The following ALK variants were observed in gnomAD, a reference collection of about 807,000 sequenced individuals.
ALK encodes the protein ALK receptor tyrosine kinase.
Under a neutral mutation model 163.1 loss-of-function variants are expected in ALK, and 74 were observed. The observed-to-expected ratio is 0.45, with a 90% CI of 0.38 to 0.55. The LOEUF is 0.55. Ranked by LOEUF, ALK falls within the 20% of genes least tolerant of loss-of-function variation. The pLI, the probability that ALK is intolerant of heterozygous loss-of-function variation, is 0.00. For missense variants in ALK, 2,063 were observed against 2,105.3 expected (o/e 0.98, Z 0.39); for synonymous variants, 960 against 843.2 (o/e 1.14, Z -2.40).
chr2:29,217,015 AGT>A (rs60371241), intron 23 of ALK, among the ~76,000 whole-genome samples: 3,460 of 110,218 alleles, frequency 0.031, 138 homozygotes, highest in African/African-American at 0.12. Flanking sequence ...TGTGTGCGTG[AGT>A]GTATGTGGTA....
intron 5 of ALK, among the ~76,000 whole-genome samples, chr2:29,375,205 C>T (rs1203349208): frequency 6.6e-6 from 1 of 152,214 alleles, no homozygotes; most frequent in Admixed American, 6.5e-5. Context: ...TTAAGTAGCT[C>T]ATGGCATCAT....
At chr2:29,617,103 A>C (rs995437144) in intron 3 of ALK, among the ~76,000 whole-genome samples, 1 of 152,214 alleles carries the variant, frequency 6.6e-6, no homozygotes, top group African/African-American at 2.4e-5. Context: ...CCTTAGGTCC[A>C]TGCTGGAAAC....
At chr2:29,857,910 G>C (rs1047364854) in intron 1 of ALK, among the ~76,000 whole-genome samples, 2 of 152,208 alleles carry the variant, frequency 1.3e-5, no homozygotes. Flanking sequence ...GAGTGATCCT[G>C]TGGTGTCCGT....
intron 9 of ALK, among the ~76,000 whole-genome samples, chr2:29,292,201 G>A (rs1666046800): frequency 6.6e-6 from 1 of 152,234 alleles, no homozygotes; most frequent in African/African-American, 2.4e-5. Context: ...GCCTGCACAG[G>A]TGTGATAAGT....
At chr2:29,533,189 T>C (rs1673164684) in intron 3 of ALK, among the ~76,000 whole-genome samples, 1 of 152,190 alleles carries the variant, frequency 6.6e-6, no homozygotes, top group African/African-American at 2.4e-5. Context: ...ATCGAGAACG[T>C]GAACCCTCTG....
chr2:29,902,158 C>G (rs937933919), intron 1 of ALK, among the ~76,000 whole-genome samples: 3 of 152,200 alleles, frequency 2.0e-5, no homozygotes, highest in Admixed American at 2.0e-4. Flanking sequence ...TAGCAGGACA[C>G]AGCTGCTTGG....
intron 1 of ALK, among the ~76,000 whole-genome samples, chr2:29,724,010 A>C (rs1318842935): frequency 6.6e-6 from 1 of 152,208 alleles, no homozygotes; most frequent in Non-Finnish European, 1.5e-5. Context: ...TTATTTTTAC[A>C]TGTCTCACTG....
At chr2:29,578,104 T>C (rs572816598) in intron 3 of ALK, among the ~76,000 whole-genome samples, 26 of 152,166 alleles carry the variant, frequency 1.7e-4, no homozygotes, top group Non-Finnish European at 3.2e-4. Context: ...CAGTGGGAGA[T>C]AACTGAATCA....
Position 29,592,320 on chromosome 2 carries a change from C to T in ALK, c.953-60204G>A, listed in dbSNP as rs537156406. ...ACTCCGAGGAGCTGGTCACAAAGCC[C>T]TGTGTGCTCTGGGGTCCAGCTCTCT... On this transcript the variant is annotated intron_variant, in intron 3 of 28. Transcript: ENST00000389048. 2.6e-5 allele frequency among the ~76,000 whole-genome samples: 4 copies of T among 152,306 alleles called. No homozygotes were observed. The South Asian group carries it at 8.3e-4, about 32-fold the overall frequency.
chr2:29,383,042 G>C (rs1157207906), intron 5 of ALK, among the ~76,000 whole-genome samples: 3 of 152,012 alleles, frequency 2.0e-5, no homozygotes, highest in Non-Finnish European at 4.4e-5. Flanking sequence ...GTGGGACATG[G>C]GCCTTCAAAG....
chr2:29,277,538 T>C (rs1412848573), intron 9 of ALK, among the ~76,000 whole-genome samples: 1 of 152,252 alleles, frequency 6.6e-6, no homozygotes, highest in Non-Finnish European at 1.5e-5. Context: ...AAAGTCACAA[T>C]TACAGGACCC....
At chr2:29,220,922 A>G in intron 22 of ALK, 87 bp from the exon 23 acceptor site, 1 of 1,573,622 alleles carries the variant, frequency 6.4e-7, no homozygotes, top group East Asian at 2.2e-5. Flanking sequence ...ACAAAGTTAC[A>G]TTTTCAGCAG....
Position 29,300,781 on chromosome 2 carries a change from A to G in ALK, c.1648-3724T>C, listed in dbSNP as rs557491194. Among the ~76,000 whole-genome samples, 25 of 152,268 alleles carry G rather than the reference A, an allele frequency of 1.6e-4. No individual in the cohort carries two copies. In the East Asian group the frequency reaches 4.1e-3, roughly 25 times the overall value. On this transcript the variant is annotated intron_variant, in intron 8 of 28. Coordinates refer to ENST00000389048, the MANE Select transcript of ALK (RefSeq NM_004304.5). ...CTCCCCTGAAATCCTTTCTGTGTCT[A>G]TGCTTACAACCCCAACAAGTCAGAA...
intron 25 of ALK, 37 bp downstream of exon 25, chr2:29,209,749 G>A (rs1482993693): frequency 6.6e-7 from 1 of 1,510,122 alleles, no homozygotes; most frequent in Non-Finnish European, 9.2e-7. Context: ...TGAGGTGGAA[G>A]AGACAGGCCC....
intron 1 of ALK, among the ~76,000 whole-genome samples, chr2:29,719,606 C>T (rs1038821300): frequency 6.6e-6 from 1 of 152,172 alleles, no homozygotes; most frequent in Admixed American, 6.5e-5. Context: ...CTTACAGTAA[C>T]CTTGTGAATA....
chr2:29,718,025 T>G (rs925489700), intron 1 of ALK, among the ~76,000 whole-genome samples: 39 of 152,204 alleles, frequency 2.6e-4, no homozygotes, highest in African/African-American at 8.9e-4. Flanking sequence ...TAATAATTTG[T>G]GCAGCTTTAT....
intron 5 of ALK, among the ~76,000 whole-genome samples, chr2:29,352,647 C>G (rs1210300967): frequency 1.3e-5 from 2 of 152,204 alleles, no homozygotes; most frequent in Non-Finnish European, 1.5e-5. Context: ...GGTCAGTGAG[C>G]AGGCACTTCC....
rs1318926775 is a variant in ALK at position 29,193,525 on chromosome 2, G to C, written c.4562C>G (p.Pro1521Arg). The change falls in exon 29 of 29, where the codon CCT becomes CGT. Residue 1521 changes from proline to arginine, a missense_variant. Pro to Arg is a moderately radical substitution (Grantham distance 103). Coordinates refer to ENST00000389048, the MANE Select transcript of ALK (RefSeq NM_004304.5). ...GTCGTGTGGCTCCTTCTTTGCTATAGGATTATTCTTTTTGGTGGGTTTCTC... is the reference window on the plus strand; with the variant it reads ...GTCGTGTGGCTCCTTCTTTGCTATACGATTATTCTTTTTGGTGGGTTTCTC... ...FTEKPTKKNNPIAKKEPHDRG... is the reference protein window; with the variant it reads ...FTEKPTKKNNRIAKKEPHDRG... 1 of 1,614,216 alleles carries C rather than the reference G, an allele frequency of 6.2e-7. No individual in the cohort carries two copies. Among genetic ancestry groups the C allele is most frequent in the Non-Finnish European group, 8.5e-7 (1 of 1,180,038 alleles).
chr2:29,655,102 A>G (rs1677148628), intron 3 of ALK, among the ~76,000 whole-genome samples: 1 of 152,146 alleles, frequency 6.6e-6, no homozygotes. Context: ...GTCCAAAAAT[A>G]CTAATAGGAA....
Sources: gnomAD v4.1 joint callset for allele counts (sites outside exome capture counted in the v4.1 genomes callset) on GRCh38, gnomAD v4.1.1 for gene constraint, MANE v1.5 for transcripts, NCBI Gene and HGNC (gene_info 2026-07-23, HGNC 2026-07-21) for gene names.